The following ZDHHC17 variants were observed in gnomAD, a reference collection of about 807,000 sequenced individuals.
ZDHHC17 encodes the protein palmitoyltransferase ZDHHC17.
In ZDHHC17, 40 loss-of-function variants were observed where a neutral mutation model predicts 90.3. That is an observed-to-expected ratio of 0.44 (90% confidence interval 0.34 to 0.58). The LOEUF is 0.58. Among genes scored for constraint, ZDHHC17 ranks in the 20% least tolerant of loss-of-function variants. ZDHHC17 has a pLI of 0.01. For missense variants in ZDHHC17, 614 were observed against 780.8 expected, an observed-to-expected ratio of 0.79 and a Z score of 2.55; for synonymous variants, 235 against 252.4, an observed-to-expected ratio of 0.93 and a Z score of 0.65.
chr12:76,851,073 T>TG lies in ZDHHC17; in HGVS notation c.*88_*89insG, dbSNP rs1386235127. 6.5e-7 allele frequency: 1 copy of TG among 1,541,942 alleles called. No homozygotes were observed. Among genetic ancestry groups the TG allele is most frequent in the Non-Finnish European group, 8.8e-7 (1 of 1,131,376 alleles). The stretch of plus-strand genomic sequence containing the variant: ...TTTCTCACACTCGAATCCACATCCT[T>TG]TGAACAAGAGCATGCTATGTGTAGG... On this transcript the variant is annotated 3_prime_UTR_variant, in exon 17 of 17. Transcript: ENST00000426126.
intron 1 of ZDHHC17, among the ~76,000 whole-genome samples, chr12:76,765,817 C>T (rs969630909): frequency 1.3e-5 from 2 of 152,204 alleles, no homozygotes; most frequent in African/African-American, 4.8e-5. Flanking sequence ...CCTCTCCCCT[C>T]AGCCTCCTGA....
chr12:76,782,157 A>G (rs528301277), intron 1 of ZDHHC17, among the ~76,000 whole-genome samples: 2 of 152,328 alleles, frequency 1.3e-5, no homozygotes, highest in South Asian at 2.1e-4. Flanking sequence ...CTCAAAATGG[A>G]GTGCTATAGT....
chr12:76,848,424 G>A lies in ZDHHC17; in HGVS notation c.1665+34G>A, dbSNP rs529414831. The A allele has an allele frequency of 1.9e-5, 30 of 1,603,158 alleles. No homozygotes were observed. The South Asian group carries it at 3.2e-4, about 17-fold the overall frequency. On this transcript the variant is annotated intron_variant, in intron 15 of 16. Transcript: ENST00000426126. The stretch of plus-strand genomic sequence containing the variant: ...AAAGGCATTCTTTTTAGTGCACTAA[G>A]TGAAAACTCTTCCATCCTTGCATAA...
chr12:76,803,662 A>C (rs1367369937), intron 2 of ZDHHC17, among the ~76,000 whole-genome samples: 3 of 152,178 alleles, frequency 2.0e-5, no homozygotes, highest in Non-Finnish European at 4.4e-5. Context: ...AACCATAAAT[A>C]CAGATGGCCA....
intron 10 of ZDHHC17, among the ~76,000 whole-genome samples, chr12:76,834,522 TA>T (rs1295328088): frequency 1.3e-5 from 2 of 152,220 alleles, no homozygotes; most frequent in Admixed American, 1.3e-4. Flanking sequence ...GGTTACTTGT[TA>T]GACTTCTCTG....
At chr12:76,788,068 A>G (rs1192581282) in intron 1 of ZDHHC17, among the ~76,000 whole-genome samples, 1 of 152,186 alleles carries the variant, frequency 6.6e-6, no homozygotes, top group African/African-American at 2.4e-5. Context: ...CCTGGGCAAC[A>G]TAGTGAGACC....
At chr12:76,767,690 C>T (rs557678060) in intron 1 of ZDHHC17, among the ~76,000 whole-genome samples, 25 of 152,220 alleles carry the variant, frequency 1.6e-4, no homozygotes, top group Middle Eastern at 6.8e-3. Flanking sequence ...GAGGCCGAGG[C>T]GGGCGGATCA....
At chr12:76,810,175 C>G (rs1427328367) in intron 5 of ZDHHC17, among the ~76,000 whole-genome samples, 2 of 151,968 alleles carry the variant, frequency 1.3e-5, no homozygotes, top group African/African-American at 4.8e-5. Context: ...CTGAATTCAT[C>G]CAAACTTTTT....
At chr12:76,764,404 C>T (rs547101679) in intron 1 of ZDHHC17, 75 bp downstream of exon 1, 3 of 1,409,662 alleles carry the variant, frequency 2.1e-6, no homozygotes, top group East Asian at 5.1e-5. Flanking sequence ...CCGAGGGCGG[C>T]GGCCGACGTG....
At chr12:76,791,783 C>G (rs1167360458) in intron 1 of ZDHHC17, among the ~76,000 whole-genome samples, 1 of 152,156 alleles carries the variant, frequency 6.6e-6, no homozygotes, top group Non-Finnish European at 1.5e-5. Flanking sequence ...GACTGACTGG[C>G]TATAAATTGG....
Position 76,849,608 on chromosome 12 carries a change from T to A in ZDHHC17, c.1760+138T>A, listed in dbSNP as rs1953539118. 1.1e-5 allele frequency: 6 copies of A among 558,772 alleles called. No individual in the cohort carries two copies. In the South Asian group the frequency reaches 1.6e-4, roughly 14 times the overall value. The allele number at this position is 558,772 out of a possible 1,614,324, so 34.6% of individuals were successfully genotyped here. A position where few individuals can be genotyped will look rare whatever the true frequency, so the allele number is the denominator to read the frequency against. ...CTGTAGAAATAGCATCAGTTCACCA[T>A]AATAACAACAAAACAGAATTCATCA... On this transcript the variant is annotated intron_variant, in intron 16 of 16. Transcript: ENST00000426126.
chr12:76,832,660 A>G (rs1463544469), intron 10 of ZDHHC17, among the ~76,000 whole-genome samples: 1 of 152,232 alleles, frequency 6.6e-6, no homozygotes, highest in Non-Finnish European at 1.5e-5. Flanking sequence ...AATGAAGCTT[A>G]TCTAACACAT....
intron 10 of ZDHHC17, among the ~76,000 whole-genome samples, chr12:76,831,160 G>A (rs760646490): frequency 4.6e-5 from 7 of 152,142 alleles, no homozygotes; most frequent in Non-Finnish European, 1.0e-4. Context: ...GATAATAGTA[G>A]CACTGTCTCC....
rs553910820 is a variant in ZDHHC17, at chr12:76,832,701, CCTTGTGCTTAAGAGCGTGATAGCA to C, written c.1141+4215_1141+4238del. Among the ~76,000 whole-genome samples the C allele has an allele frequency of 7.4e-4, 113 of 152,360 alleles. 1 individual carries two copies. Among genetic ancestry groups the C allele is most frequent in the African/African-American group, 2.6e-3 (109 of 41,582 alleles). On this transcript the variant is annotated intron_variant, in intron 10 of 16. Coordinates refer to ENST00000426126, the MANE Select transcript of ZDHHC17 (RefSeq NM_015336.4). ...TTTTCTGTAAAGCACATCACAGCCT[CCTTGTGCTTAAGAGCGTGATAGCA>C]CTTCAGCACTGTGCTTAAGGGCCCT...
chr12:76,841,468 G>A (rs982095960), intron 10 of ZDHHC17, among the ~76,000 whole-genome samples: 11 of 151,940 alleles, frequency 7.2e-5, no homozygotes, highest in African/African-American at 2.4e-4. Context: ...TATTTCTTAC[G>A]TTTTTATGAG....
At chr12:76,792,717 A>G (rs911686183) in intron 1 of ZDHHC17, among the ~76,000 whole-genome samples, 5 of 152,194 alleles carry the variant, frequency 3.3e-5, no homozygotes, top group African/African-American at 9.7e-5. Flanking sequence ...CCAAGTGACT[A>G]TAATTTTAAA....
intron 16 of ZDHHC17, among the ~76,000 whole-genome samples, chr12:76,849,851 CAG>C (rs1288263128): frequency 2.0e-5 from 3 of 152,106 alleles, no homozygotes; most frequent in African/African-American, 4.8e-5. Flanking sequence ...TAAATAAAAA[CAG>C]AGTTAGTTGG....
intron 1 of ZDHHC17, among the ~76,000 whole-genome samples, chr12:76,765,847 C>T (rs1157441992): frequency 2.0e-5 from 3 of 152,106 alleles, no homozygotes; most frequent in African/African-American, 7.2e-5. Flanking sequence ...ACCACAGGCT[C>T]GCGCCACCAT....
chr12:76,845,887 A>G lies in ZDHHC17; in HGVS notation c.1423+85A>G, dbSNP rs1038127009. 2.2e-5 allele frequency: 16 copies of G among 714,574 alleles called. No individual in the cohort carries two copies. In the African/African-American group the frequency reaches 2.8e-4, roughly 12 times the overall value. 44.3% of individuals were successfully genotyped at this position (714,574 alleles called of 1,614,324 possible). A position where few individuals can be genotyped will look rare whatever the true frequency, so the allele number is the denominator to read the frequency against. Reference sequence around the variant, plus strand: ...AAAGTATAATATTAAAGTAGGCAATAGAAAGTTTATTACTCCACGCTTCAT... The same window carrying G: ...AAAGTATAATATTAAAGTAGGCAATGGAAAGTTTATTACTCCACGCTTCAT... On this transcript the variant is annotated intron_variant, in intron 13 of 16. Coordinates refer to ENST00000426126, the MANE Select transcript of ZDHHC17 (RefSeq NM_015336.4).
Sources: gnomAD v4.1 joint callset for allele counts (sites outside exome capture counted in the v4.1 genomes callset) on GRCh38, gnomAD v4.1.1 for gene constraint, MANE v1.5 for transcripts, NCBI Gene and HGNC (gene_info 2026-07-23, HGNC 2026-07-21) for gene names.